REV3L: variants seen among roughly 807,000 people sequenced by gnomAD.
REV3L encodes DNA polymerase zeta catalytic subunit.
In REV3L, 69 loss-of-function variants were observed where a neutral mutation model predicts 299.4. That is an observed-to-expected ratio of 0.23 (90% CI 0.19 to 0.28). The LOEUF (loss-of-function observed/expected upper bound fraction) is 0.28, where lower values mean the gene tolerates loss of function less well. REV3L is among the 10% of genes least tolerant of loss of function. The pLI, the probability that REV3L is intolerant of heterozygous loss-of-function variation, is 1.00. For synonymous variants in REV3L, 1,238 were observed against 1,271.4 expected (o/e 0.97, Z 0.56); for missense variants, 3,128 against 3,693.8 (o/e 0.85, Z 3.97).
intron 1 of REV3L, among the ~76,000 whole-genome samples, chr6:111,470,404 T>C (rs1190460770): frequency 1.3e-5 from 2 of 152,198 alleles, no homozygotes; most frequent in African/African-American, 4.8e-5. Context: ...GCTGCATCAC[T>C]TTAGGCAAAG....
intron 30 of REV3L, chr6:111,308,031 C>T (rs183425910): frequency 7.5e-4 from 232 of 310,598 alleles, no homozygotes; most frequent in African/African-American, 4.5e-3. Flanking sequence ...TGAGAACAGG[C>T]GGTGTTTGGT....
intron 3 of REV3L, among the ~76,000 whole-genome samples, chr6:111,410,990 G>A (rs1408719569): frequency 6.6e-6 from 1 of 152,098 alleles, no homozygotes; most frequent in East Asian, 1.9e-4. Context: ...ATAAGCTAGA[G>A]GCAGGGAGAC....
Position 111,380,236 on chromosome 6 carries a change from A to C in REV3L, c.1217-17T>G, listed in dbSNP as rs1487914011. 1.3e-6 allele frequency: 2 copies of C among 1,521,264 alleles called. No individual in the cohort carries two copies. The highest frequency in any genetic ancestry group is 1.8e-6 in the Non-Finnish European group (2 of 1,106,424). 94.2% of individuals were successfully genotyped at this position (1,521,264 alleles called of 1,614,324 possible). A position where few individuals can be genotyped will look rare whatever the true frequency, so the allele number is the denominator to read the frequency against. ...TACTGTCCACTATAAAACAAGTACA[A>C]TAATCACCAACAAATAAGTTTTCTT... On this transcript the variant is annotated splice_polypyrimidine_tract_variant and intron_variant, in intron 10 of 31. Transcript: ENST00000368802.
chr6:111,423,402 A>G (rs1273027698), intron 1 of REV3L, among the ~76,000 whole-genome samples: 2 of 152,204 alleles, frequency 1.3e-5, no homozygotes, highest in Non-Finnish European at 2.9e-5. Context: ...TATGTACAGA[A>G]ACCTGACAGC....
chr6:111,315,309 T>C lies in REV3L; in HGVS notation c.8424A>G (p.Val2808=). ...TCACTGGTTTAGGATTGGTAGCAGT[T>C]ACAGCTTCGGCAATTTCCTGACCAA... is the stretch of plus-strand genomic sequence containing the variant. ...FKIGQEIAEA[V]TATNPKPVKL... Residue 2808 remains valine (V), a synonymous_variant, in exon 27 of 32, where the codon GTA becomes GTG. Coordinates refer to ENST00000368802, the MANE Select transcript of REV3L (RefSeq NM_001372078.1). The C allele has an allele frequency of 1.9e-6, 3 of 1,614,124 alleles. No individual in the cohort carries two copies. Among genetic ancestry groups the C allele is most frequent in the African/African-American group, 1.3e-5 (1 of 75,048 alleles).
chr6:111,462,847 A>C (rs1320150283), intron 1 of REV3L, among the ~76,000 whole-genome samples: 7 of 152,170 alleles, frequency 4.6e-5, no homozygotes, highest in African/African-American at 1.7e-4. Flanking sequence ...AAATAAAGCC[A>C]CAGAATGTAA....
intron 19 of REV3L, among the ~76,000 whole-genome samples, chr6:111,350,900 T>A (rs957926289): frequency 1.3e-5 from 2 of 152,046 alleles, no homozygotes; most frequent in Non-Finnish European, 2.9e-5. Flanking sequence ...TTATTCCAAT[T>A]TTTTGCAAAG....
chr6:111,350,363 T>C (rs764146356), intron 19 of REV3L, among the ~76,000 whole-genome samples: 1 of 152,184 alleles, frequency 6.6e-6, no homozygotes, highest in Non-Finnish European at 1.5e-5. Flanking sequence ...ACATATACTC[T>C]GGTGATTGTT....
chr6:111,359,520 GAAAAAAAA>G (rs371680267), intron 16 of REV3L, among the ~76,000 whole-genome samples: 1 of 102,608 alleles, frequency 9.7e-6, no homozygotes, highest in Non-Finnish European at 1.8e-5. Context: ...AGTTTTTCCT[GAAAAAAAA>G]AAAAAAAAAA....
intron 13 of REV3L, 101 bp from the exon 14 acceptor site, chr6:111,368,129 A>G: frequency 1.0e-6 from 1 of 982,466 alleles, no homozygotes. Context: ...AGTCTCAAAA[A>G]TGTCCATGTC....
At chr6:111,331,562 T>A (rs187853060) in intron 24 of REV3L, 114 bp downstream of exon 24, 1 of 586,534 alleles carries the variant, frequency 1.7e-6, no homozygotes, top group East Asian at 3.1e-5. Context: ...GATAAAATAT[T>A]CAAGCAAACT....
rs1367915349 is a variant in REV3L, at chr6:111,299,315, G to A, written c.*701C>T. 1 of 152,458 alleles carries A rather than the reference G, an allele frequency of 6.6e-6. No individual in the cohort carries two copies. Among genetic ancestry groups the A allele is most frequent in the African/African-American group, 2.4e-5 (1 of 41,424 alleles). The allele number at this position is 152,458 out of a possible 1,614,324, so 9.4% of individuals were successfully genotyped here. ...TAAAATTTTTTATTTTTAAAGTATT[G>A]CAACAGGCCCACAGGTTTGTAACAA... On this transcript the variant is annotated 3_prime_UTR_variant, in exon 32 of 32. Transcript: ENST00000368802.
At chr6:111,470,676 T>C (rs1792090638) in intron 1 of REV3L, among the ~76,000 whole-genome samples, 1 of 152,312 alleles carries the variant, frequency 6.6e-6, no homozygotes, top group Admixed American at 6.5e-5. Flanking sequence ...AATGACCTCA[T>C]TAAAAAATTA....
intron 1 of REV3L, among the ~76,000 whole-genome samples, chr6:111,416,708 A>G (rs1784800614): frequency 6.6e-6 from 1 of 152,238 alleles, no homozygotes; most frequent in Non-Finnish European, 1.5e-5. Flanking sequence ...AGTAGTTTTG[A>G]TGAAAGTATT....
At chr6:111,322,955 G>A (rs774312934) in intron 25 of REV3L, among the ~76,000 whole-genome samples, 3 of 151,694 alleles carry the variant, frequency 2.0e-5, no homozygotes, top group South Asian at 2.1e-4. Flanking sequence ...ACTCAGCTAC[G>A]TTGGATTCTT....
chr6:111,407,279 G>C (rs1783744835), intron 3 of REV3L, among the ~76,000 whole-genome samples: 7 of 152,060 alleles, frequency 4.6e-5, no homozygotes, highest in Admixed American at 4.6e-4. Context: ...AAAGCATAAA[G>C]ATAAACAAAA....
At chr6:111,414,008 T>A (rs1237237637) in intron 2 of REV3L, among the ~76,000 whole-genome samples, 1 of 152,128 alleles carries the variant, frequency 6.6e-6, no homozygotes, top group Non-Finnish European at 1.5e-5. Context: ...TTCACCTCAT[T>A]CATTTATCCA....
rs767197944 is a variant in REV3L, at chr6:111,416,481, T to C, written c.140-9A>G. 3 of 1,601,304 alleles carry C rather than the reference T, an allele frequency of 1.9e-6. No homozygotes were observed. Among genetic ancestry groups the C allele is most frequent in the Non-Finnish European group, 2.6e-6 (3 of 1,171,136 alleles). ...AAGACATGTCTTCTGACCTAAAATG[T>C]AACACATTATAAAGTTTAGTTTCCA... is the stretch of plus-strand genomic sequence containing the variant. On this transcript the variant is annotated splice_polypyrimidine_tract_variant and intron_variant, in intron 1 of 31. Transcript: ENST00000368802.
rs1366205824 is a variant in REV3L, at chr6:111,388,101, G to C, written c.863-16C>G. 1 of 1,558,104 alleles carries C rather than the reference G, an allele frequency of 6.4e-7. No individual in the cohort carries two copies. The highest frequency in any genetic ancestry group is 1.2e-5 in the South Asian group (1 of 86,866). On this transcript the variant is annotated splice_polypyrimidine_tract_variant and intron_variant, in intron 7 of 31. Transcript: ENST00000368802. Reference sequence around the variant, plus strand: ...AACCTGTGATCTTTGAATTTTAAAAGTGCATTAAAAAATGTAAATAGCAAA... The same window carrying C: ...AACCTGTGATCTTTGAATTTTAAAACTGCATTAAAAAATGTAAATAGCAAA...
Sources: allele counts gnomAD v4.1 joint callset (sites outside exome capture counted in the v4.1 genomes callset), GRCh38; gene constraint gnomAD v4.1.1; transcripts MANE v1.5; gene names NCBI Gene and HGNC (gene_info 2026-07-23, HGNC 2026-07-21).